The following RAPGEF4 variants were observed in gnomAD, a reference collection of about 807,000 sequenced individuals.
The protein encoded by RAPGEF4 is Rap guanine nucleotide exchange factor 4.
RAPGEF4 carries 66 observed loss-of-function variants against 147.9 expected under a neutral mutation model. That is an observed-to-expected ratio of 0.45 (90% CI 0.37 to 0.55). The LOEUF (loss-of-function observed/expected upper bound fraction) is 0.55. Among genes scored for constraint, RAPGEF4 ranks in the 20% least tolerant of loss-of-function variants. The probability of loss-of-function intolerance (pLI) is 0.00; values close to 1 mark genes in which losing one functional copy is unlikely to be tolerated. For synonymous variants in RAPGEF4, 419 were observed against 442.7 expected (o/e 0.95, Z 0.67); for missense variants, 1,071 against 1,257.3 (o/e 0.85, Z 2.24).
chr2:172,864,844 G>A (rs2676507), intron 4 of RAPGEF4, among the ~76,000 whole-genome samples: 57,428 of 152,172 alleles, frequency 0.38, 11,622 homozygotes, highest in African/African-American at 0.53. Context: ...GATAGAGGTT[G>A]CAGTGAGCCT....
At chr2:173,006,368 G>A (rs1694480893) in intron 17 of RAPGEF4, among the ~76,000 whole-genome samples, 1 of 152,162 alleles carries the variant, frequency 6.6e-6, no homozygotes, top group Admixed American at 6.5e-5. Context: ...ATGAATGGCT[G>A]ATATTTAAAC....
intron 1 of RAPGEF4, among the ~76,000 whole-genome samples, chr2:172,773,921 A>G (rs1683900925): frequency 6.6e-6 from 1 of 152,186 alleles, no homozygotes; most frequent in Non-Finnish European, 1.5e-5. Context: ...TCTGCAGAGA[A>G]GTGGAAGAAG....
chr2:173,003,209 A>G (rs748209221), intron 17 of RAPGEF4, among the ~76,000 whole-genome samples: 3 of 152,090 alleles, frequency 2.0e-5, no homozygotes, highest in Non-Finnish European at 4.4e-5. Context: ...CATTCAAATC[A>G]CTAACTTCTC....
intron 23 of RAPGEF4, among the ~76,000 whole-genome samples, chr2:173,021,304 T>C (rs1379213651): frequency 6.6e-6 from 1 of 152,190 alleles, no homozygotes; most frequent in Non-Finnish European, 1.5e-5. Flanking sequence ...CATTTCTATT[T>C]CTCCTACCAG....
intron 4 of RAPGEF4, among the ~76,000 whole-genome samples, chr2:172,861,357 C>A (rs1219627526): frequency 6.6e-6 from 1 of 152,182 alleles, no homozygotes; most frequent in Non-Finnish European, 1.5e-5. Flanking sequence ...ATGATGCTGT[C>A]CACATGTTAT....
intron 4 of RAPGEF4, among the ~76,000 whole-genome samples, chr2:172,880,079 G>A (rs1047478598): frequency 1.3e-5 from 2 of 152,102 alleles, no homozygotes; most frequent in Non-Finnish European, 2.9e-5. Flanking sequence ...CTGAGACAGC[G>A]ACTTACCTGC....
chr2:173,044,729 A>G (rs574834579), intron 29 of RAPGEF4, among the ~76,000 whole-genome samples: 3 of 152,306 alleles, frequency 2.0e-5, no homozygotes, highest in Admixed American at 6.5e-5. Context: ...TTGTTCCCCT[A>G]CACGGATCCG....
At chr2:173,038,948 G>A (rs1684399114) in intron 29 of RAPGEF4, among the ~76,000 whole-genome samples, 1 of 152,162 alleles carries the variant, frequency 6.6e-6, no homozygotes, top group South Asian at 2.1e-4. Context: ...TACTAGGAGA[G>A]TGCCATTCCT....
At chr2:172,795,393 C>T (rs548549236) in intron 2 of RAPGEF4, among the ~76,000 whole-genome samples, 36 of 152,310 alleles carry the variant, frequency 2.4e-4, no homozygotes, top group African/African-American at 8.4e-4. Flanking sequence ...AGGCAACCAA[C>T]TTTCTAGATG....
intron 8 of RAPGEF4, among the ~76,000 whole-genome samples, chr2:172,964,532 T>C (rs537154834): frequency 6.6e-6 from 1 of 151,902 alleles, no homozygotes; most frequent in East Asian, 1.9e-4. Flanking sequence ...TTCAAGATTG[T>C]TCCCAAAGTG....
intron 30 of RAPGEF4, among the ~76,000 whole-genome samples, chr2:173,051,361 C>T (rs1221276454): frequency 6.6e-6 from 1 of 151,644 alleles, no homozygotes; most frequent in East Asian, 1.9e-4. Flanking sequence ...CTATCAGACA[C>T]ATGCTTCCCT....
intron 1 of RAPGEF4, among the ~76,000 whole-genome samples, chr2:172,794,081 T>C (rs182987821): frequency 6.6e-6 from 1 of 151,532 alleles, no homozygotes; most frequent in Admixed American, 6.6e-5. Context: ...TGAGCCAAGA[T>C]TGCATCACTG....
At chr2:172,829,137 A>G (rs1005397864) in intron 4 of RAPGEF4, among the ~76,000 whole-genome samples, 8 of 152,194 alleles carry the variant, frequency 5.3e-5, no homozygotes, top group South Asian at 2.1e-4. Context: ...AAGAGGCCGT[A>G]TGTTGCTTCA....
chr2:172,915,944 G>T (rs1465058578), intron 4 of RAPGEF4, among the ~76,000 whole-genome samples: 2 of 152,118 alleles, frequency 1.3e-5, no homozygotes, highest in Non-Finnish European at 2.9e-5. Flanking sequence ...TGAAGAAAAT[G>T]GACATTTCAC....
chr2:172,740,109 A>G (rs1325711840), intron 1 of RAPGEF4, among the ~76,000 whole-genome samples: 2 of 152,204 alleles, frequency 1.3e-5, no homozygotes, highest in South Asian at 4.1e-4. Context: ...AGTAGCTGCA[A>G]TGGAGACTGT....
intron 5 of RAPGEF4, among the ~76,000 whole-genome samples, chr2:172,920,718 C>T (rs770161835): frequency 1.1e-3 from 170 of 152,208 alleles, no homozygotes; most frequent in Non-Finnish European, 1.6e-3. Context: ...ATTTGTGCAA[C>T]TGTGTATTTA....
chr2:172,848,179 T>G (rs969693152), intron 4 of RAPGEF4, among the ~76,000 whole-genome samples: 2 of 152,118 alleles, frequency 1.3e-5, no homozygotes, highest in African/African-American at 2.4e-5. Flanking sequence ...CCAAATATGT[T>G]CTATACATTC....
intron 4 of RAPGEF4, among the ~76,000 whole-genome samples, chr2:172,897,682 A>G (rs1198485029): frequency 1.3e-5 from 2 of 150,220 alleles, no homozygotes; most frequent in South Asian, 2.1e-4. Context: ...GATTACAGGC[A>G]TGAGCCACCA....
chr2:172,860,348 T>C (rs1693888480), intron 4 of RAPGEF4: 1 of 982,322 alleles, frequency 1.0e-6, no homozygotes, highest in Non-Finnish European at 1.2e-6. Flanking sequence ...TGTTCACATA[T>C]ACAGGGAGCT....
Sources: gnomAD v4.1 joint callset for allele counts (sites outside exome capture counted in the v4.1 genomes callset) on GRCh38, gnomAD v4.1.1 for gene constraint, MANE v1.5 for transcripts, NCBI Gene and HGNC (gene_info 2026-07-23, HGNC 2026-07-21) for gene names.